Variants in UGP2 observed in about 807,000 individuals in gnomAD.
The protein encoded by UGP2 is UTP--glucose-1-phosphate uridylyltransferase.
Under a neutral mutation model 49.0 loss-of-function variants are expected in UGP2, and 40 were observed. The observed-to-expected ratio is 0.82, with a 90% CI of 0.63 to 1.06. UGP2 has a LOEUF of 1.06. Ranked by LOEUF, UGP2 falls within the 50% of genes least tolerant of loss-of-function variation. The pLI is 0.00. For synonymous variants in UGP2, 225 were observed against 213.0 expected (o/e 1.06, Z -0.49); for missense variants, 460 against 603.5 (o/e 0.76, Z 2.49).
intron 8 of UGP2, chr2:63,889,849 G>T: frequency 2.4e-6 from 1 of 412,644 alleles, no homozygotes; most frequent in South Asian, 4.3e-5. Flanking sequence ...CCTTAGATCT[G>T]CTCAACTATC....
chr2:63,869,922 A>ATTTT (rs71393337), intron 3 of UGP2, among the ~76,000 whole-genome samples: 4 of 135,480 alleles, frequency 3.0e-5, no homozygotes, highest in South Asian at 4.6e-4. Flanking sequence ...ATTAAAATTA[A>ATTTT]TTTTTTTTTT....
In UGP2 at chr2:63,887,503, T is replaced by A; in HGVS notation, c.1173T>A (p.Arg391=). 6.2e-7 allele frequency: 1 copy of A among 1,614,024 alleles called. No homozygotes were observed. The highest frequency in any genetic ancestry group is 1.3e-5 in the African/African-American group (1 of 74,986). Residue 391 remains arginine, a synonymous_variant, in exon 8 of 10, where the codon CGT becomes CGA. Transcript: ENST00000337130. The stretch of plus-strand genomic sequence containing the variant: ...TAGGTATTAATGTGCCAAGGAGCCG[T>A]TTTCTGCCTGTCAAAACCACATCAG... ...NSLGINVPRS[R]FLPVKTTSDL...
chr2:63,870,272 AAAT>A (rs1486323539), intron 3 of UGP2, among the ~76,000 whole-genome samples: 1 of 152,208 alleles, frequency 6.6e-6, no homozygotes, highest in Non-Finnish European at 1.5e-5. Flanking sequence ...ATAGCTGGGA[AAAT>A]AAAAATATGT....
chr2:63,849,089 G>A lies in UGP2; in HGVS notation c.19+6885G>A, dbSNP rs926713690. ...TCCGTAAACATTTTTAGATATTTCTGTTAGTTTTTTCTGTGTAAATCAAGA... is the reference window on the plus strand; with the variant it reads ...TCCGTAAACATTTTTAGATATTTCTATTAGTTTTTTCTGTGTAAATCAAGA... On this transcript the variant is annotated intron_variant, in intron 1 of 9. Coordinates refer to ENST00000337130, the MANE Select transcript of UGP2 (RefSeq NM_006759.4). 7.0e-4 allele frequency among the ~76,000 whole-genome samples: 107 copies of A among 152,224 alleles called. 1 individual carries two copies. The highest frequency in any genetic ancestry group is 2.4e-3 in the African/African-American group (99 of 41,540).
intron 3 of UGP2, among the ~76,000 whole-genome samples, chr2:63,861,427 C>G (rs1669836654): frequency 6.6e-6 from 1 of 151,984 alleles, no homozygotes; most frequent in Non-Finnish European, 1.5e-5. Flanking sequence ...ATGGCTGGCA[C>G]TGACCCCTGG....
At chr2:63,888,316 C>T (rs1486998218) in intron 8 of UGP2, 1 of 152,232 alleles carries the variant, frequency 6.6e-6, no homozygotes, top group Non-Finnish European at 1.5e-5. Context: ...TTCTTGGAAA[C>T]TGCCACAGTA....
In UGP2 at chr2:63,885,623, G is replaced by A. The variant is rs1235559102; in HGVS notation, c.610G>A (p.Val204Ile). 6.4e-7 allele frequency: 1 copy of A among 1,573,326 alleles called. No individual in the cohort carries two copies. ...PRINKESLLP[V>I]AKDVSYSGEN... ...GATTAATAAAGAATCTTTACTTCCT[G>A]TAGCAAAGGACGTGTCTTACTCAGG... The change falls in exon 6 of 10, where the codon GTA (valine) becomes ATA (isoleucine). Residue 204 changes from valine to isoleucine, a missense_variant. Physicochemically the swap from Val to Ile is conservative, Grantham distance 29 (BLOSUM62 3). Coordinates refer to ENST00000337130, the MANE Select transcript of UGP2 (RefSeq NM_006759.4).
At chr2:63,853,487 TCTGA>T (rs1669173904) in intron 1 of UGP2, among the ~76,000 whole-genome samples, 1 of 152,172 alleles carries the variant, frequency 6.6e-6, no homozygotes, top group Non-Finnish European at 1.5e-5. Flanking sequence ...TCTCCAATTC[TCTGA>T]CTTTGAGTAT....
intron 1 of UGP2, among the ~76,000 whole-genome samples, chr2:63,847,541 TG>T (rs1431044264): frequency 1.3e-5 from 2 of 152,110 alleles, no homozygotes; most frequent in Non-Finnish European, 2.9e-5. Flanking sequence ...TGGGTGCAGG[TG>T]GGCTGAGTCC....
In UGP2 at chr2:63,883,986, T is replaced by C; in HGVS notation, c.468T>C (p.Asp156=). 6.2e-7 allele frequency: 1 copy of C among 1,612,470 alleles called. No individual in the cohort carries two copies. The change falls in exon 5 of 10, where the codon GAT becomes GAC. Residue 156 remains aspartate (D), a synonymous_variant. Transcript: ENST00000337130. ...ATTTGAATAAAACCTACAATACAGA[T>C]GTTCCTCTTGTTTTAATGAACTCTT... The part of the protein sequence containing the change: ...IEHLNKTYNT[D]VPLVLMNSFN...
intron 1 of UGP2, among the ~76,000 whole-genome samples, chr2:63,854,117 A>C (rs1216158779): frequency 6.6e-6 from 1 of 152,256 alleles, no homozygotes; most frequent in East Asian, 1.9e-4. Context: ...GACTAAAAAA[A>C]CATGGCTTTG....
chr2:63,882,656 G>A lies in UGP2; in HGVS notation c.441+5G>A. ...CTGACTGTTCAGCAAATTGAAGTGA[G>A]TAACATTTAGCCTTTCTCATGAGAT... On this transcript the variant is annotated splice_donor_5th_base_variant and intron_variant, in intron 4 of 9. Coordinates refer to ENST00000337130, the MANE Select transcript of UGP2 (RefSeq NM_006759.4). 4 of 1,546,668 alleles carry A rather than the reference G, an allele frequency of 2.6e-6. No individual in the cohort carries two copies. The highest frequency in any genetic ancestry group is 3.5e-6 in the Non-Finnish European group (4 of 1,137,248).
intron 2 of UGP2, 108 bp downstream of exon 2, chr2:63,856,541 A>C (rs958369771): frequency 2.3e-6 from 3 of 1,310,710 alleles, no homozygotes; most frequent in Non-Finnish European, 3.1e-6. Flanking sequence ...TCAGCACAAG[A>C]TGTACGATAA....
chr2:63,853,072 G>GA (rs1311983106), intron 1 of UGP2, among the ~76,000 whole-genome samples: 2 of 151,864 alleles, frequency 1.3e-5, no homozygotes, highest in African/African-American at 4.8e-5. Flanking sequence ...GAATTGAGGA[G>GA]AAAAAATGGT....
chr2:63,891,315 C>A lies in UGP2; in HGVS notation c.*88C>A. 2.7e-6 allele frequency: 3 copies of A among 1,121,746 alleles called. No homozygotes were observed. Among genetic ancestry groups the A allele is most frequent in the Non-Finnish European group, 4.0e-6 (3 of 759,180 alleles). 69.5% of individuals were successfully genotyped at this position (1,121,746 alleles called of 1,614,324 possible). On this transcript the variant is annotated 3_prime_UTR_variant, in exon 10 of 10. Transcript: ENST00000337130. ...GATTCTAAAATAGGCAGGTACTTTACTATGTTACTGTACCCTGCAGTGTTG... is the reference window on the plus strand; with the variant it reads ...GATTCTAAAATAGGCAGGTACTTTAATATGTTACTGTACCCTGCAGTGTTG...
intron 3 of UGP2, among the ~76,000 whole-genome samples, chr2:63,872,664 G>C (rs1670634832): frequency 1.3e-5 from 2 of 151,972 alleles, no homozygotes; most frequent in Non-Finnish European, 2.9e-5. Flanking sequence ...TATCATTCAT[G>C]CTGGAATTGA....
At position 63,882,627 on chromosome 2, in the gene UGP2, G is replaced by A; in HGVS notation, c.417G>A (p.Leu139=). The stretch of plus-strand genomic sequence containing the variant: ...GTGTGAGGAATGAGAATACCTTTCT[G>A]GATCTGACTGTTCAGCAAATTGAAG... ...LIGVRNENTF[L]DLTVQQIEHL... The change falls in exon 4 of 10, where the codon CTG becomes CTA. Residue 139 remains leucine, a synonymous_variant. Coordinates refer to ENST00000337130, the MANE Select transcript of UGP2 (RefSeq NM_006759.4). 2 of 1,584,936 alleles carry A rather than the reference G, an allele frequency of 1.3e-6. No homozygotes were observed. The highest frequency in any genetic ancestry group is 1.7e-6 in the Non-Finnish European group (2 of 1,159,078).
At chr2:63,856,198 G>A in intron 1 of UGP2, 108 bp from the exon 2 acceptor site, 2 of 1,382,456 alleles carry the variant, frequency 1.4e-6, no homozygotes. Flanking sequence ...GGGACCTTGG[G>A]ATTGAGCCCT....
At position 63,885,762 on chromosome 2, in the gene UGP2, C is replaced by G; in HGVS notation, c.749C>G (p.Ser250Cys). Residue 250 changes from serine to cysteine, a missense_variant, in exon 6 of 10, where the codon TCT becomes TGT. Ser to Cys is a moderately radical substitution (Grantham distance 112). Around this residue, in one of 2 missense-constraint regions of UGP2, gnomAD observed 317 missense variants for 473.0 expected, o/e 0.67. Transcript: ENST00000337130. ...GAAGGCAAAGAGTATATTTTTGTGT[C>G]TAACATAGATAATCTGGGTGCCACA... ...IGEGKEYIFV[S>C]NIDNLGATVD... 1 of 1,613,762 alleles carries G rather than the reference C, an allele frequency of 6.2e-7. No homozygotes were observed. The highest frequency in any genetic ancestry group is 8.5e-7 in the Non-Finnish European group (1 of 1,179,898).
Sources: allele counts gnomAD v4.1 joint callset (sites outside exome capture counted in the v4.1 genomes callset), GRCh38; gene constraint gnomAD v4.1.1; regional missense constraint gnomAD v4.1.1; transcripts MANE v1.5; gene names NCBI Gene and HGNC (gene_info 2026-07-23, HGNC 2026-07-21).